Variants in CECR2 observed in about 807,000 individuals in gnomAD.
The protein encoded by CECR2 is chromatin remodeling regulator CECR2.
CECR2 carries 30 observed loss-of-function variants against 154.5 expected under a neutral mutation model. The ratio of observed to expected loss-of-function variants is 0.19; its 90% CI spans 0.15 to 0.26. The LOEUF (loss-of-function observed/expected upper bound fraction) is 0.26. Among genes scored for constraint, CECR2 ranks in the 10% least tolerant of loss-of-function variants. The pLI, the probability that CECR2 is intolerant of heterozygous loss-of-function variation, is 1.00. For synonymous variants in CECR2, 725 were observed against 683.7 expected (o/e 1.06, Z -0.94); for missense variants, 1,743 against 1,829.3 (o/e 0.95, Z 0.86).
intron 1 of CECR2, among the ~76,000 whole-genome samples, chr22:17,397,173 G>A (rs924243575): frequency 6.6e-6 from 1 of 151,462 alleles, no homozygotes; most frequent in Non-Finnish European, 1.5e-5. Context: ...TTCTGGCTCT[G>A]TCGCCCAGGC....
intron 1 of CECR2, among the ~76,000 whole-genome samples, chr22:17,390,491 C>G (rs1328952229): frequency 6.6e-6 from 1 of 152,202 alleles, no homozygotes; most frequent in African/African-American, 2.4e-5. Context: ...TTGCAAACAT[C>G]CTGTTTCTTC....
chr22:17,551,620 C>T (rs1161282754), intron 17 of CECR2, among the ~76,000 whole-genome samples: 4 of 151,816 alleles, frequency 2.6e-5, no homozygotes, highest in East Asian at 3.9e-4. Flanking sequence ...AGACCAGCCT[C>T]GGCAACATAG....
chr22:17,490,606 TTTTTTA>T (rs1245108762), intron 2 of CECR2, among the ~76,000 whole-genome samples: 1 of 151,710 alleles, frequency 6.6e-6, no homozygotes, highest in African/African-American at 2.4e-5. Context: ...GGCTAATTTT[TTTTTTA>T]TTTTTATTTT....
At chr22:17,522,220 G>GT (rs935008761) in intron 8 of CECR2, among the ~76,000 whole-genome samples, 2 of 152,088 alleles carry the variant, frequency 1.3e-5, no homozygotes, top group African/African-American at 4.8e-5. Flanking sequence ...ACCTTATGGT[G>GT]TTTTTTTGGC....
intron 17 of CECR2, chr22:17,550,332 A>T (rs1318002699): frequency 5.8e-6 from 1 of 172,064 alleles, no homozygotes; most frequent in Admixed American, 6.1e-5. Context: ...ATGATACTAT[A>T]AACTTAATAA....
intron 8 of CECR2, among the ~76,000 whole-genome samples, chr22:17,512,552 A>C (rs1270654994): frequency 6.6e-6 from 1 of 151,628 alleles, no homozygotes; most frequent in Non-Finnish European, 1.5e-5. Flanking sequence ...AAAATACAAA[A>C]ATTAGCTGGG....
chr22:17,525,250 A>G (rs1262047284), intron 9 of CECR2, among the ~76,000 whole-genome samples: 1 of 123,374 alleles, frequency 8.1e-6, no homozygotes, highest in Non-Finnish European at 1.6e-5. Context: ...GTGCCATTGT[A>G]CTCCAGCCTG....
chr22:17,412,987 A>G (rs2054090169), intron 1 of CECR2, among the ~76,000 whole-genome samples: 1 of 152,102 alleles, frequency 6.6e-6, no homozygotes, highest in East Asian at 1.9e-4. Flanking sequence ...GAGATGCCTG[A>G]CATCCTCTTT....
intron 1 of CECR2, among the ~76,000 whole-genome samples, chr22:17,390,638 T>C (rs1046621382): frequency 9.2e-5 from 14 of 151,908 alleles, no homozygotes; most frequent in African/African-American, 3.4e-4. Flanking sequence ...TTATTTTGTT[T>C]TGTTTTGTTT....
rs1047870559 is a variant in CECR2, at chr22:17,491,567, CTG to C, written c.222-5821_222-5820del. The stretch of plus-strand genomic sequence containing the variant: ...TTATTTCCACTATTGGCTTCTTATT[CTG>C]TGTGTGTGTGTGTGGGGGGGTGGGT... On this transcript the variant is annotated intron_variant, in intron 2 of 18. Transcript: ENST00000262608. Among the ~76,000 whole-genome samples the C allele has an allele frequency of 5.8e-4, 38 of 65,922 alleles. 2 individuals carry two copies. The highest frequency in any genetic ancestry group is 6.2e-4 in the Non-Finnish European group (17 of 27,470). The allele number at this position is 65,922 out of a possible 152,430, so 43.2% of individuals were successfully genotyped here.
At chr22:17,445,431 A>G (rs576165669) in intron 1 of CECR2, among the ~76,000 whole-genome samples, 2 of 152,086 alleles carry the variant, frequency 1.3e-5, no homozygotes, top group Admixed American at 1.3e-4. Context: ...CTAAGTTTCC[A>G]TGGGGGATTG....
intron 13 of CECR2, 68 bp from the exon 14 acceptor site, chr22:17,540,343 TA>T: frequency 7.5e-7 from 1 of 1,324,950 alleles, no homozygotes; most frequent in Non-Finnish European, 1.0e-6. Flanking sequence ...ATAGTTTCTA[TA>T]AACTATAGTT....
chr22:17,507,542 T>C lies in CECR2; in HGVS notation c.870+2526T>C, dbSNP rs547314387. 3.2e-4 allele frequency among the ~76,000 whole-genome samples: 48 copies of C among 152,330 alleles called. No homozygotes were observed. In the South Asian group the frequency reaches 6.4e-3, roughly 20 times the overall value. Reference sequence around the variant, plus strand: ...TACCCAGTCACCTTAAGCCTTCTTTTATCATTTCTGCTTTTTTACTGCTAT... The same window carrying C: ...TACCCAGTCACCTTAAGCCTTCTTTCATCATTTCTGCTTTTTTACTGCTAT... On this transcript the variant is annotated intron_variant, in intron 7 of 18. Coordinates refer to ENST00000262608, the MANE Select transcript of CECR2 (RefSeq NM_001290047.2).
At chr22:17,372,170 A>G (rs1046860004) in intron 1 of CECR2, among the ~76,000 whole-genome samples, 2 of 152,250 alleles carry the variant, frequency 1.3e-5, no homozygotes, top group Admixed American at 6.5e-5. Context: ...GCAGGTTTTA[A>G]GAACTATCCA....
At chr22:17,374,659 CTT>C (rs1465644259) in intron 1 of CECR2, among the ~76,000 whole-genome samples, 3 of 152,184 alleles carry the variant, frequency 2.0e-5, no homozygotes, top group African/African-American at 7.2e-5. Flanking sequence ...AGTTAGGAAA[CTT>C]GTATTCTGAT....
chr22:17,414,705 T>C (rs1331495140), intron 1 of CECR2, among the ~76,000 whole-genome samples: 5 of 151,172 alleles, frequency 3.3e-5, no homozygotes, highest in Non-Finnish European at 4.4e-5. Flanking sequence ...TGATGTTCCC[T>C]TTCCTGTGTC....
At chr22:17,383,436 G>A (rs2063222819) in intron 1 of CECR2, among the ~76,000 whole-genome samples, 1 of 152,142 alleles carries the variant, frequency 6.6e-6, no homozygotes, top group Non-Finnish European at 1.5e-5. Context: ...GCTTGGTTTA[G>A]AATATTCTAA....
chr22:17,464,997 AT>A (rs71770620), intron 1 of CECR2, among the ~76,000 whole-genome samples: 10,546 of 140,722 alleles, frequency 0.075, 394 homozygotes, highest in South Asian at 0.2. Flanking sequence ...CAATATTTAA[AT>A]TTTTTTTTTT....
intron 1 of CECR2, among the ~76,000 whole-genome samples, chr22:17,454,906 G>T (rs891604536): frequency 6.6e-6 from 1 of 152,080 alleles, no homozygotes; most frequent in Non-Finnish European, 1.5e-5. Flanking sequence ...TGCAGAAAGG[G>T]TACACTCACC....
Sources: allele counts gnomAD v4.1 joint callset (sites outside exome capture counted in the v4.1 genomes callset), GRCh38; gene constraint gnomAD v4.1.1; transcripts MANE v1.5; gene names NCBI Gene and HGNC (gene_info 2026-07-23, HGNC 2026-07-21).